Variants in MRE11 observed in about 807,000 individuals in gnomAD.
MRE11 encodes MRE11 double strand break repair nuclease.
In MRE11, 62 loss-of-function variants were observed where a neutral mutation model predicts 91.7. That is an observed-to-expected ratio of 0.68 (90% CI 0.55 to 0.84). The LOEUF is 0.84. Among genes scored for constraint, MRE11 ranks in the 40% least tolerant of loss-of-function variants. The probability of loss-of-function intolerance (pLI) is 0.00; values close to 1 mark genes in which losing one functional copy is unlikely to be tolerated. For missense variants in MRE11, 796 were observed against 852.9 expected, an observed-to-expected ratio of 0.93 and a Z score of 0.83; for synonymous variants, 273 against 271.4, an observed-to-expected ratio of 1.01 and a Z score of -0.06.
Position 94,465,418 on chromosome 11 carries a change from G to C in MRE11, c.1099-1179C>G, listed in dbSNP as rs1246791845. On this transcript the variant is annotated intron_variant, in intron 10 of 19. Coordinates refer to ENST00000323929, the MANE Select transcript of MRE11 (RefSeq NM_005591.4). ...CTCTTTTTTTTTTTTTTTTTTTTGA[G>C]ATGGCGTCTCACTGTCACCCAGGCT... 3.2e-5 allele frequency among the ~76,000 whole-genome samples: 4 copies of C among 124,410 alleles called. No individual in the cohort carries two copies. In the East Asian group the frequency reaches 9.7e-4, roughly 30 times the overall value. The allele number at this position is 124,410 out of a possible 152,430, so 81.6% of individuals were successfully genotyped here. A position where few individuals can be genotyped will look rare whatever the true frequency, so the allele number is the denominator to read the frequency against.
chr11:94,445,772 T>C (rs1456210275), intron 16 of MRE11, 38 bp downstream of exon 16: 2 of 1,475,596 alleles, frequency 1.4e-6, no homozygotes, highest in Non-Finnish European at 1.9e-6. Flanking sequence ...CTTTCTAATG[T>C]TGGAATTTAT....
upstream of MRE11, chr11:94,498,611 G>A (rs992858408): frequency 1.2e-5 from 15 of 1,245,808 alleles, no homozygotes; most frequent in Admixed American, 2.3e-5. Context: ...CAAAGTTGAC[G>A]TCAAACATCT....
At chr11:94,458,266 A>G (rs1302832265) in intron 13 of MRE11, among the ~76,000 whole-genome samples, 2 of 151,796 alleles carry the variant, frequency 1.3e-5, no homozygotes, top group Non-Finnish European at 2.9e-5. Flanking sequence ...CCCCTGTAAT[A>G]TAACTACCTT....
intron 14 of MRE11, among the ~76,000 whole-genome samples, chr11:94,452,484 C>T (rs964354963): frequency 1.3e-5 from 2 of 152,146 alleles, no homozygotes; most frequent in Non-Finnish European, 1.5e-5. Flanking sequence ...CTAGTTAAGA[C>T]ATCTTTGGAC....
Position 94,475,685 on chromosome 11 carries a change from T to C in MRE11, c.659+604A>G, listed in dbSNP as rs1333206298. On this transcript the variant is annotated intron_variant, in intron 7 of 19. Coordinates refer to ENST00000323929, the MANE Select transcript of MRE11 (RefSeq NM_005591.4). The stretch of plus-strand genomic sequence containing the variant: ...AAGGTAATCTAGCTATATTTGTATA[T>C]CCTGGAAGAACACTTGCATATATGT... 1.1e-5 allele frequency: 5 copies of C among 454,030 alleles called. No homozygotes were observed. The East Asian group carries it at 2.8e-4, about 25-fold the overall frequency. 28.1% of individuals were successfully genotyped at this position (454,030 alleles called of 1,614,324 possible). A position where few individuals can be genotyped will look rare whatever the true frequency, so the allele number is the denominator to read the frequency against.
At chr11:94,448,970 C>A (rs1946022337) in intron 14 of MRE11, among the ~76,000 whole-genome samples, 1 of 152,128 alleles carries the variant, frequency 6.6e-6, no homozygotes. Context: ...AAATATTTGA[C>A]CTAGCTAAGG....
chr11:94,486,901 G>A (rs935428125), intron 3 of MRE11, among the ~76,000 whole-genome samples: 38 of 152,150 alleles, frequency 2.5e-4, no homozygotes, highest in African/African-American at 8.0e-4. Context: ...AGACGTATAC[G>A]ATGCACCTAA....
intron 3 of MRE11, 28 bp from the exon 4 acceptor site, chr11:94,486,112 T>G: frequency 1.2e-6 from 2 of 1,612,066 alleles, no homozygotes; most frequent in South Asian, 2.2e-5. Flanking sequence ...GTGTTAAAAT[T>G]AGTATGTTTT....
intron 11 of MRE11, among the ~76,000 whole-genome samples, chr11:94,461,874 G>A (rs960288087): frequency 6.6e-6 from 1 of 152,148 alleles, no homozygotes; most frequent in African/African-American, 2.4e-5. Context: ...AGGAGATCGA[G>A]ACCAACCTGG....
At chr11:94,437,527 A>G (rs946966189) in intron 16 of MRE11, among the ~76,000 whole-genome samples, 6 of 152,218 alleles carry the variant, frequency 3.9e-5, no homozygotes, top group Non-Finnish European at 7.3e-5. Context: ...GATAAAATCT[A>G]ATCACCTAAC....
rs559431920 is a variant in MRE11 at position 94,462,268 on chromosome 11, G to A, written c.1226-1232C>T. The stretch of plus-strand genomic sequence containing the variant: ...GGAGAACTACAAACCACTGCTCAAC[G>A]AAATAAAAGAGGACACAAACAAATG... On this transcript the variant is annotated intron_variant, in intron 11 of 19. Coordinates refer to ENST00000323929, the MANE Select transcript of MRE11 (RefSeq NM_005591.4). 3.3e-5 allele frequency among the ~76,000 whole-genome samples: 5 copies of A among 152,198 alleles called. No homozygotes were observed. The South Asian group carries it at 6.2e-4, about 19-fold the overall frequency.
intron 16 of MRE11, among the ~76,000 whole-genome samples, chr11:94,438,042 C>T (rs953034103): frequency 1.3e-5 from 2 of 152,056 alleles, no homozygotes; most frequent in South Asian, 2.1e-4. Context: ...GCAGGAGAAT[C>T]GCTTGAACCC....
chr11:94,465,275 T>C (rs1591683457), intron 10 of MRE11, among the ~76,000 whole-genome samples: 1 of 152,324 alleles, frequency 6.6e-6, no homozygotes, highest in African/African-American at 2.4e-5. Context: ...GTCTGGTTAG[T>C]TTTAATGCTG....
At position 94,467,899 on chromosome 11, in the gene MRE11, A is replaced by G; in HGVS notation, c.1018-6T>C. The G allele has an allele frequency of 6.2e-7, 1 of 1,612,350 alleles. No homozygotes were observed. On this transcript the variant is annotated splice_polypyrimidine_tract_variant and splice_region_variant and intron_variant, in intron 9 of 19. Transcript: ENST00000323929. ...TTTTCAAGCATTTCTTCAATCTCAA[A>G]ATTTTTAAAAAGATTAAAAAACAAC...
At chr11:94,438,024 A>C (rs1945670868) in intron 16 of MRE11, among the ~76,000 whole-genome samples, 1 of 152,156 alleles carries the variant, frequency 6.6e-6, no homozygotes, top group South Asian at 2.1e-4. Context: ...GCTACTTGGG[A>C]GGCTGAGGCA....
intron 18 of MRE11, among the ~76,000 whole-genome samples, chr11:94,430,650 C>T (rs1591634834): frequency 6.6e-6 from 1 of 151,862 alleles, no homozygotes; most frequent in East Asian, 1.9e-4. Flanking sequence ...TTAGTAGAGA[C>T]GGGGTTTCAC....
In MRE11 at chr11:94,418,716, A is replaced by G. The variant is rs1293677297; in HGVS notation, c.*1409T>C. The G allele has an allele frequency of 8.6e-6, 2 of 232,408 alleles. No individual in the cohort carries two copies. The highest frequency in any genetic ancestry group is 1.1e-4 in the Admixed American group (2 of 17,748). 14.4% of individuals were successfully genotyped at this position (232,408 alleles called of 1,614,324 possible). A position where few individuals can be genotyped will look rare whatever the true frequency, so the allele number is the denominator to read the frequency against. ...AAGATGTGGGCAGATCTGCCTAAGA[A>G]TATTTCACAGGACAATGCCTTCCAC... On this transcript the variant is annotated 3_prime_UTR_variant, in exon 20 of 20. Coordinates refer to ENST00000323929, the MANE Select transcript of MRE11 (RefSeq NM_005591.4).
At chr11:94,437,410 C>T (rs568814703) in intron 16 of MRE11, among the ~76,000 whole-genome samples, 175 bp from the exon 17 acceptor site, 1 of 152,280 alleles carries the variant, frequency 6.6e-6, no homozygotes, top group East Asian at 1.9e-4. Flanking sequence ...TATAGGTACG[C>T]ATAACTCAAT....
chr11:94,488,942 TAAAAG>T (rs72556731), intron 3 of MRE11, among the ~76,000 whole-genome samples: 220 of 152,176 alleles, frequency 1.4e-3, no homozygotes, highest in African/African-American at 5.0e-3. Context: ...GAACCTAAAA[TAAAAG>T]AAAGAATCCA....
Sources: gnomAD v4.1 joint callset for allele counts (sites outside exome capture counted in the v4.1 genomes callset) on GRCh38, gnomAD v4.1.1 for gene constraint, MANE v1.5 for transcripts, NCBI Gene and HGNC (gene_info 2026-07-23, HGNC 2026-07-21) for gene names.